Variants in ITGB1 observed in about 807,000 individuals in gnomAD.
ITGB1 encodes the protein integrin beta-1.
ITGB1 carries 24 observed loss-of-function variants against 86.5 expected under a neutral mutation model. The observed-to-expected ratio is 0.28, with a 90% CI of 0.20 to 0.39. The LOEUF (loss-of-function observed/expected upper bound fraction) is 0.39. Among genes scored for constraint, ITGB1 ranks in the 10% least tolerant of loss-of-function variants. ITGB1 has a pLI of 1.00. For missense variants in ITGB1, 556 were observed against 946.9 expected, an observed-to-expected ratio of 0.59 and a Z score of 5.42; for synonymous variants, 323 against 316.8, an observed-to-expected ratio of 1.02 and a Z score of -0.21.
chr10:32,948,860 C>A (rs2095037271), intron 1 of ITGB1, among the ~76,000 whole-genome samples: 1 of 151,838 alleles, frequency 6.6e-6, no homozygotes, highest in Non-Finnish European at 1.5e-5. Flanking sequence ...TCTTACATCA[C>A]AAGGAAGCAA....
rs1047793723 is a variant in ITGB1, at chr10:32,920,189, T to A, written c.1269+56A>T. 1.9e-6 allele frequency: 3 copies of A among 1,578,242 alleles called. No individual in the cohort carries two copies. In the African/African-American group the frequency reaches 4.1e-5, roughly 21 times the overall value. On this transcript the variant is annotated intron_variant, in intron 10 of 15. Transcript: ENST00000302278. ...TTTTAATGTTTCTCAAACTATAAAC[T>A]AAATTTGCTTATAAATAACCAATGT...
intron 6 of ITGB1, among the ~76,000 whole-genome samples, chr10:32,925,425 CAGTG>C (rs1294086693): frequency 1.3e-5 from 2 of 152,178 alleles, no homozygotes; most frequent in Non-Finnish European, 2.9e-5. Flanking sequence ...CTTTCAAAGA[CAGTG>C]AGAAGAAAAC....
At chr10:32,944,477 CTG>C in intron 1 of ITGB1, 1 of 372,054 alleles carries the variant, frequency 2.7e-6, no homozygotes, top group South Asian at 2.2e-5. Context: ...TCACCAAACA[CTG>C]TGAAGCACCT....
At chr10:32,953,441 A>G (rs1160782616) in intron 1 of ITGB1, among the ~76,000 whole-genome samples, 1 of 152,188 alleles carries the variant, frequency 6.6e-6, no homozygotes, top group Non-Finnish European at 1.5e-5. Flanking sequence ...TGTACAGCCA[A>G]GCTACATCCT....
At chr10:32,936,082 C>T (rs2095000801) in intron 1 of ITGB1, 1 of 152,308 alleles carries the variant, frequency 6.6e-6, no homozygotes, top group African/African-American at 2.4e-5. Context: ...GGCCAACATC[C>T]TGCATAAGGC....
At chr10:32,925,466 C>G (rs1156336105) in intron 6 of ITGB1, among the ~76,000 whole-genome samples, 1 of 152,158 alleles carries the variant, frequency 6.6e-6, no homozygotes, top group Non-Finnish European at 1.5e-5. Flanking sequence ...ATACAAGACA[C>G]TCTCCCTTTG....
chr10:32,900,488 T>C lies in ITGB1; in HGVS notation c.*1082A>G, dbSNP rs904206643. 1 of 150,810 alleles carries C rather than the reference T, an allele frequency of 6.6e-6. No homozygotes were observed. The highest frequency in any genetic ancestry group is 2.4e-5 in the African/African-American group (1 of 40,818). The allele number at this position is 150,810 out of a possible 1,614,324, so 9.3% of individuals were successfully genotyped here. The stretch of plus-strand genomic sequence containing the variant: ...AAACTAAAGGCACTTAAAACAAGAA[T>C]GTGACTAGTGTGAAACAAGATGGGC... On this transcript the variant is annotated 3_prime_UTR_variant, in exon 16 of 16. Coordinates refer to ENST00000302278, the MANE Select transcript of ITGB1 (RefSeq NM_002211.4).
At chr10:32,908,729 A>C (rs1164352164) in intron 14 of ITGB1, among the ~76,000 whole-genome samples, 195 bp from the exon 15 acceptor site, 1 of 151,768 alleles carries the variant, frequency 6.6e-6, no homozygotes, top group Non-Finnish European at 1.5e-5. Context: ...GTATTTTTCT[A>C]TATATATAAT....
At chr10:32,943,037 T>C (rs532467913) in intron 1 of ITGB1, among the ~76,000 whole-genome samples, 2 of 152,266 alleles carry the variant, frequency 1.3e-5, no homozygotes, top group South Asian at 2.1e-4. Context: ...AAATTAAAAA[T>C]ATTTTCACTG....
At chr10:32,932,647 G>A (rs201728358) in intron 2 of ITGB1, 47 bp from the exon 3 acceptor site, 4 of 1,072,604 alleles carry the variant, frequency 3.7e-6, no homozygotes, top group Non-Finnish European at 4.3e-6. Context: ...AAGTGTCAGA[G>A]AGAAAATAAT....
intron 1 of ITGB1, among the ~76,000 whole-genome samples, chr10:32,943,102 A>G (rs1169047007): frequency 6.6e-6 from 1 of 152,248 alleles, no homozygotes; most frequent in Non-Finnish European, 1.5e-5. Flanking sequence ...AGAATGTCTC[A>G]GAATTACTTA....
At chr10:32,919,112 C>T (rs2094940844) in intron 11 of ITGB1, among the ~76,000 whole-genome samples, 1 of 152,188 alleles carries the variant, frequency 6.6e-6, no homozygotes, top group Non-Finnish European at 1.5e-5. Flanking sequence ...GAAACTCTAA[C>T]ATTTAAATTG....
intron 8 of ITGB1, 58 bp downstream of exon 8, chr10:32,922,582 T>C: frequency 9.2e-7 from 1 of 1,091,564 alleles, no homozygotes; most frequent in South Asian, 1.4e-5. Context: ...TCAGACATGA[T>C]TTGCCTCTAA....
chr10:32,911,711 A>G (rs2094914049), intron 12 of ITGB1, 41 bp from the exon 13 acceptor site: 1 of 1,593,350 alleles, frequency 6.3e-7, no homozygotes, highest in African/African-American at 1.3e-5. Context: ...GTAAAAATAT[A>G]CAATCACAGT....
intron 11 of ITGB1, among the ~76,000 whole-genome samples, chr10:32,917,595 CTCA>C (rs1300363929): frequency 6.6e-6 from 1 of 152,118 alleles, no homozygotes; most frequent in African/African-American, 2.4e-5. Context: ...TGAAAAAATG[CTCA>C]TCATCACTGG....
At chr10:32,914,044 G>A (rs554173033) in intron 11 of ITGB1, among the ~76,000 whole-genome samples, 13 of 152,250 alleles carry the variant, frequency 8.5e-5, no homozygotes, top group South Asian at 6.2e-4. Context: ...TTTCAACCCA[G>A]AATTTCATAT....
At chr10:32,938,710 C>T (rs867979711) in intron 1 of ITGB1, among the ~76,000 whole-genome samples, 2 of 152,286 alleles carry the variant, frequency 1.3e-5, no homozygotes, top group South Asian at 2.1e-4. Context: ...AACGATCCTG[C>T]GACTGGCGAC....
At position 32,911,891 on chromosome 10, in the gene ITGB1, C is replaced by T. The variant is rs777503669; in HGVS notation, c.1703G>A (p.Cys568Tyr). Reference sequence around the variant, plus strand: ...ACTTCAGGCCCTTTACTTACCTCCACAAATTAAGCCATTGGATCTATCACA... The same window carrying T: ...ACTTCAGGCCCTTTACTTACCTCCATAAATTAAGCCATTGGATCTATCACA... The part of the protein sequence containing the change: ...FNCDRSNGLI[C>Y]GGNGVCKCRV... Residue 568 changes from cysteine to tyrosine, a missense_variant, in exon 12 of 16, where the codon TGT becomes TAT. By Grantham distance (194) the Cys-to-Tyr change is radical. Around this residue, in one of 4 missense-constraint regions of ITGB1, gnomAD observed 330 missense variants for 531.5 expected, o/e 0.62. Coordinates refer to ENST00000302278, the MANE Select transcript of ITGB1 (RefSeq NM_002211.4). 6.2e-7 allele frequency: 1 copy of T among 1,609,504 alleles called. No individual in the cohort carries two copies. The highest frequency in any genetic ancestry group is 8.5e-7 in the Non-Finnish European group (1 of 1,177,596).
Position 32,906,588 on chromosome 10 carries a change from A to AAAAT in ITGB1, c.2331+1776_2331+1779dup, listed in dbSNP as rs559794750. ...CTGGGCGACAGAGAGAGACTGTCTC[A>AAAAT]AAATAAATAAATAAATAAACAGAAA... On this transcript the variant is annotated intron_variant, in intron 15 of 15. Coordinates refer to ENST00000302278, the MANE Select transcript of ITGB1 (RefSeq NM_002211.4). 18 of 173,468 alleles carry AAAAT rather than the reference A, an allele frequency of 1.0e-4. No homozygotes were observed. In the South Asian group the frequency reaches 1.5e-3, roughly 15 times the overall value. 10.7% of individuals were successfully genotyped at this position (173,468 alleles called of 1,614,324 possible).
Sources: allele counts gnomAD v4.1 joint callset (sites outside exome capture counted in the v4.1 genomes callset), GRCh38; gene constraint gnomAD v4.1.1; regional missense constraint gnomAD v4.1.1; transcripts MANE v1.5; gene names NCBI Gene and HGNC (gene_info 2026-07-23, HGNC 2026-07-21).